EIF3L: variants seen among roughly 807,000 people sequenced by gnomAD.
EIF3L encodes eukaryotic translation initiation factor 3 subunit L.
Under a neutral mutation model 74.6 loss-of-function variants are expected in EIF3L, and 32 were observed. The ratio of observed to expected loss-of-function variants is 0.43; its 90% CI spans 0.32 to 0.58. EIF3L has a LOEUF of 0.58. EIF3L is among the 20% of genes least tolerant of loss of function. The pLI, the probability that EIF3L is intolerant of heterozygous loss-of-function variation, is 0.06. For synonymous variants in EIF3L, 256 were observed against 254.4 expected, an observed-to-expected ratio of 1.01 and a Z score of -0.06; for missense variants, 474 against 707.8, an observed-to-expected ratio of 0.67 and a Z score of 3.75.
chr22:37,860,659 C>T (rs1036927019), intron 5 of EIF3L, among the ~76,000 whole-genome samples: 1 of 152,216 alleles, frequency 6.6e-6, no homozygotes, highest in African/African-American at 2.4e-5. Flanking sequence ...AGGCGTGAGC[C>T]ACTGTGCCTG....
intron 7 of EIF3L, among the ~76,000 whole-genome samples, chr22:37,867,525 G>A (rs1025605644): frequency 1.3e-5 from 2 of 151,536 alleles, no homozygotes; most frequent in African/African-American, 2.4e-5. Context: ...CAGACTTGGT[G>A]GTGCATGTCT....
chr22:37,888,483 A>C lies in EIF3L; in HGVS notation c.*19A>C, dbSNP rs556025940. 10 of 1,613,046 alleles carry C rather than the reference A, an allele frequency of 6.2e-6. No individual in the cohort carries two copies. The highest frequency in any genetic ancestry group is 1.3e-5 in the African/African-American group (1 of 75,026). On this transcript the variant is annotated 3_prime_UTR_variant, in exon 13 of 13. Transcript: ENST00000652021. Reference sequence around the variant, plus strand: ...ACCTTGATGATATTCACACACATTCAGGAACCTGTTTTGATGTATTATAGG... The same window carrying C: ...ACCTTGATGATATTCACACACATTCCGGAACCTGTTTTGATGTATTATAGG...
chr22:37,855,395 T>C (rs771271543), intron 3 of EIF3L, among the ~76,000 whole-genome samples, 170 bp from the exon 4 acceptor site: 9 of 152,108 alleles, frequency 5.9e-5, no homozygotes, highest in Admixed American at 2.6e-4. Context: ...TTGAGAAAGA[T>C]TGAAGTGTGG....
intron 11 of EIF3L, chr22:37,882,105 A>C (rs1927080718): frequency 6.6e-6 from 1 of 152,076 alleles, no homozygotes; most frequent in African/African-American, 2.4e-5. Context: ...TCAGGAGATC[A>C]AGACCATCCT....
At chr22:37,850,509 A>G in intron 2 of EIF3L, 1 of 223,486 alleles carries the variant, frequency 4.5e-6, no homozygotes, top group Non-Finnish European at 9.4e-6. Context: ...GCTAATTTTT[A>G]AATTTTTTTA....
At chr22:37,864,798 C>G (rs1463643186) in intron 7 of EIF3L, among the ~76,000 whole-genome samples, 1 of 152,150 alleles carries the variant, frequency 6.6e-6, no homozygotes, top group Non-Finnish European at 1.5e-5. Context: ...CTTGGCCTCC[C>G]AAAGTGCTGG....
intron 11 of EIF3L, chr22:37,884,667 CG>C (rs1569125303): frequency 6.6e-6 from 1 of 151,974 alleles, no homozygotes; most frequent in African/African-American, 2.4e-5. Flanking sequence ...AGCCAGGCTT[CG>C]TAGCGTGTAC....
At chr22:37,888,281 C>A in intron 12 of EIF3L, 145 bp from the exon 13 acceptor site, 1 of 745,412 alleles carries the variant, frequency 1.3e-6, no homozygotes, top group Non-Finnish European at 2.3e-6. Context: ...CACGGCTTTG[C>A]ACACACATAG....
At chr22:37,876,294 AATT>A in intron 10 of EIF3L, 1 of 226,282 alleles carries the variant, frequency 4.4e-6, no homozygotes. Context: ...AACACCGGCT[AATT>A]TTTTTTTTTT....
At chr22:37,868,113 T>G (rs926617246) in intron 7 of EIF3L, among the ~76,000 whole-genome samples, 4 of 22,640 alleles carry the variant, frequency 1.8e-4, no homozygotes, top group African/African-American at 1.0e-3. Flanking sequence ...TTGTAGGATT[T>G]TTTTTTTTTT....
At chr22:37,887,719 CTCCCT>C (rs1244942484) in intron 12 of EIF3L, 1 of 152,492 alleles carries the variant, frequency 6.6e-6, no homozygotes. Flanking sequence ...CAGCTCTCCT[CTCCCT>C]CCCTGGTATT....
At chr22:37,885,026 C>G (rs35849614) in intron 11 of EIF3L, 19,733 of 149,044 alleles carry the variant, frequency 0.13, 1,773 homozygotes, top group Non-Finnish European at 0.2. Flanking sequence ...TCAGGTGATC[C>G]TCCTATCTCA....
Position 37,876,205 on chromosome 22 carries a change from C to T in EIF3L, c.1077+194C>T, listed in dbSNP as rs60112191. On this transcript the variant is annotated intron_variant, in intron 10 of 12. Transcript: ENST00000652021. ...AGTGCAGTGACGCAGTCACAGCTCA[C>T]GTCAGCCTCAACCTCCTGGGATCAG... is the stretch of plus-strand genomic sequence containing the variant. The T allele has an allele frequency of 3.6e-3, 2,033 of 558,178 alleles. 39 individuals carry two copies. Among genetic ancestry groups the T allele is most frequent in the African/African-American group, 0.035 (1,855 of 52,386 alleles). 34.6% of individuals were successfully genotyped at this position (558,178 alleles called of 1,614,324 possible). A position where few individuals can be genotyped will look rare whatever the true frequency, so the allele number is the denominator to read the frequency against.
intron 4 of EIF3L, among the ~76,000 whole-genome samples, chr22:37,857,457 G>A (rs149887951): frequency 1.0e-3 from 156 of 150,480 alleles, no homozygotes; most frequent in Non-Finnish European, 2.0e-3. Context: ...CTTTGGTTGC[G>A]TTCACCAGTG....
chr22:37,874,257 G>A, intron 8 of EIF3L, 113 bp from the exon 9 acceptor site: 1 of 1,127,882 alleles, frequency 8.9e-7, no homozygotes, highest in Non-Finnish European at 1.2e-6. Context: ...AGTTGTTGAG[G>A]GAAGCTTTCA....
At chr22:37,872,012 A>G (rs1456234636) in intron 8 of EIF3L, among the ~76,000 whole-genome samples, 1 of 152,162 alleles carries the variant, frequency 6.6e-6, no homozygotes, top group Non-Finnish European at 1.5e-5. Flanking sequence ...TGGTAGTTTC[A>G]TACAGATTAG....
At chr22:37,858,175 T>TCAAA (rs774796063) in intron 4 of EIF3L, among the ~76,000 whole-genome samples, 1 of 149,336 alleles carries the variant, frequency 6.7e-6, no homozygotes, top group Non-Finnish European at 1.5e-5. Context: ...GACCCTGTCT[T>TCAAA]CAAACAAACA....
intron 7 of EIF3L, among the ~76,000 whole-genome samples, chr22:37,866,519 T>C (rs1031010326): frequency 3.3e-5 from 5 of 152,214 alleles, no homozygotes; most frequent in African/African-American, 1.2e-4. Flanking sequence ...AGCCACCAGC[T>C]CGCGCCTGTT....
At chr22:37,852,341 T>G (rs2146010189) in intron 3 of EIF3L, among the ~76,000 whole-genome samples, 1 of 152,328 alleles carries the variant, frequency 6.6e-6, no homozygotes, top group Non-Finnish European at 1.5e-5. Flanking sequence ...GTTTAATGGA[T>G]GTGCTGAGAT....
Sources: gnomAD v4.1 joint callset for allele counts (sites outside exome capture counted in the v4.1 genomes callset) on GRCh38, gnomAD v4.1.1 for gene constraint, MANE v1.5 for transcripts, NCBI Gene and HGNC (gene_info 2026-07-23, HGNC 2026-07-21) for gene names.